Variants in DHRS9 observed in about 807,000 individuals in gnomAD.
The protein encoded by DHRS9 is dehydrogenase/reductase SDR family member 9.
A neutral mutation model predicts 26.6 loss-of-function variants in DHRS9; 18 were observed. The observed-to-expected ratio is 0.68, with a 90% CI of 0.47 to 1.00. DHRS9 has a LOEUF of 1.00. DHRS9 is among the 50% of genes least tolerant of loss of function. The pLI is 0.00. For missense variants in DHRS9, 425 were observed against 378.7 expected, an observed-to-expected ratio of 1.12 and a Z score of -1.01; for synonymous variants, 134 against 141.1, an observed-to-expected ratio of 0.95 and a Z score of 0.36.
At chr2:169,068,327 G>T (rs1057302599), upstream of DHRS9, among the ~76,000 whole-genome samples, 1 of 152,130 alleles carries the variant, frequency 6.6e-6, no homozygotes, top group African/African-American at 2.4e-5. Context: ...TTGTTTGTTT[G>T]TTTGTTTTTG....
At chr2:169,070,767 T>G in intron 1 of DHRS9, 2 of 985,382 alleles carry the variant, frequency 2.0e-6, no homozygotes, top group Non-Finnish European at 2.4e-6. Flanking sequence ...GGGACAGTGT[T>G]TAAAAACGCA....
intron 1 of DHRS9, among the ~76,000 whole-genome samples, chr2:169,079,917 GGGGGAGAGAGAGAGA>G: frequency 4.1e-5 from 2 of 48,692 alleles, no homozygotes; most frequent in African/African-American, 1.6e-4. Context: ...GAGGGAGGGA[GGGGGAGAGAGAGAGA>G]GAGAGAGAGA....
chr2:169,079,090 G>GC (rs1262770915), intron 1 of DHRS9, among the ~76,000 whole-genome samples: 1 of 151,746 alleles, frequency 6.6e-6, no homozygotes, highest in Non-Finnish European at 1.5e-5. Context: ...CTTGTGATCT[G>GC]CCCCCCTCTG....
chr2:169,081,173 T>C, intron 1 of DHRS9: 1 of 1,016,918 alleles, frequency 9.8e-7, no homozygotes, highest in Non-Finnish European at 1.2e-6. Context: ...ACTGTGAGGG[T>C]CTGTCTTCCT....
At position 169,095,618 on chromosome 2, in the gene DHRS9, G is replaced by A. The variant is rs1227417053; in HGVS notation, c.811G>A (p.Ala271Thr). 12 of 1,613,856 alleles carry A rather than the reference G, an allele frequency of 7.4e-6. No individual in the cohort carries two copies. The highest frequency in any genetic ancestry group is 1.3e-5 in the African/African-American group (1 of 74,970). ...TCCGGTGGTAGAGTGCATGGACCAC[G>A]CTCTAACAAGTCTCTTCCCTAAGAC... ...LSPVVECMDH[A>T]LTSLFPKTHY... is the part of the protein sequence containing the mutation. Residue 271 changes from alanine (A) to threonine (T), a missense_variant, in exon 5 of 5, where the codon GCT (alanine) becomes ACT (threonine). Coordinates refer to ENST00000674881, the MANE Select transcript of DHRS9 (RefSeq NM_001376924.1).
intron 1 of DHRS9, among the ~76,000 whole-genome samples, chr2:169,075,152 G>A (rs1008732775): frequency 2.0e-5 from 3 of 152,076 alleles, no homozygotes; most frequent in Non-Finnish European, 4.4e-5. Flanking sequence ...CTTATTTTGT[G>A]CATGACATCC....
Position 169,081,759 on chromosome 2 carries a change from T to C in DHRS9, c.178T>C (p.Cys60Arg), listed in dbSNP as rs1446684487. 6.2e-7 allele frequency: 1 copy of C among 1,614,196 alleles called. No homozygotes were observed. Among genetic ancestry groups the C allele is most frequent in the African/African-American group, 1.3e-5 (1 of 75,054 alleles). Reference sequence around the variant, plus strand: ...AAAGGGATTTCATGTAATCGCTGCCTGTCTGACTGAATCAGGATCAACAGC... The same window carrying C: ...AAAGGGATTTCATGTAATCGCTGCCCGTCTGACTGAATCAGGATCAACAGC... Reference protein sequence around the residue: ...DKKGFHVIAACLTESGSTALK... With the variant: ...DKKGFHVIAARLTESGSTALK... The change falls in exon 2 of 5, where the codon TGT becomes CGT. Residue 60 changes from cysteine (C) to arginine (R), a missense_variant. Transcript: ENST00000674881.
chr2:169,090,427 A>C (rs1684486939), intron 3 of DHRS9, among the ~76,000 whole-genome samples: 1 of 152,250 alleles, frequency 6.6e-6, no homozygotes, highest in African/African-American at 2.4e-5. Flanking sequence ...ATAAAACAAA[A>C]GTAAGTTGGG....
rs774290765 is a variant in DHRS9 at position 169,091,818 on chromosome 2, G to C, written c.601G>C (p.Val201Leu). The C allele has an allele frequency of 1.9e-6, 3 of 1,613,376 alleles. No individual in the cohort carries two copies. Among genetic ancestry groups the C allele is most frequent in the Admixed American group, 1.7e-5 (1 of 59,976 alleles). ...RRDMKAFGVH[V>L]SCIEPGLFKT... Reference sequence around the variant, plus strand: ...GGACATGAAAGCTTTTGGTGTGCACGTCTCATGCATTGAACCAGGATTGTT... The same window carrying C: ...GGACATGAAAGCTTTTGGTGTGCACCTCTCATGCATTGAACCAGGATTGTT... Residue 201 changes from valine to leucine, a missense_variant, in exon 4 of 5, where the codon GTC (valine) becomes CTC (leucine). Physicochemically the swap from Val to Leu is conservative, Grantham distance 32. Transcript: ENST00000674881.
intron 4 of DHRS9, among the ~76,000 whole-genome samples, chr2:169,092,661 C>T (rs1684567638): frequency 6.6e-6 from 1 of 152,086 alleles, no homozygotes; most frequent in Admixed American, 6.6e-5. Context: ...GAAATAATTA[C>T]TTGGGTGGAA....
At chr2:169,078,435 A>G (rs1030376606) in intron 1 of DHRS9, among the ~76,000 whole-genome samples, 1 of 152,236 alleles carries the variant, frequency 6.6e-6, no homozygotes, top group Admixed American at 6.5e-5. Context: ...TTCAGAAAAT[A>G]TATTAAACAT....
chr2:169,081,048 C>A, intron 1 of DHRS9: 1 of 771,096 alleles, frequency 1.3e-6, no homozygotes. Flanking sequence ...CTTCTCCTGA[C>A]AGTTTGAAGA....
At chr2:169,071,073 AAAC>A (rs3083976) in intron 1 of DHRS9, among the ~76,000 whole-genome samples, 16,107 of 151,670 alleles carry the variant, frequency 0.11, 845 homozygotes, top group Middle Eastern at 0.17. Flanking sequence ...CAAAAAAAAA[AAAC>A]AACAACAACA....
intron 1 of DHRS9, among the ~76,000 whole-genome samples, chr2:169,074,625 G>T (rs1301328682): frequency 6.6e-6 from 1 of 152,136 alleles, no homozygotes; most frequent in Non-Finnish European, 1.5e-5. Flanking sequence ...AATCAGCTTT[G>T]TGTATAGGTC....
chr2:169,068,287 C>A (rs777094628), upstream of DHRS9, among the ~76,000 whole-genome samples: 2 of 152,142 alleles, frequency 1.3e-5, no homozygotes, highest in African/African-American at 2.4e-5. Context: ...ATTTGGGGCA[C>A]CCTAAATGTG....
At chr2:169,086,094 C>A (rs73026873) in intron 3 of DHRS9, among the ~76,000 whole-genome samples, 3,468 of 152,158 alleles carry the variant, frequency 0.023, 111 homozygotes, top group East Asian at 0.12. Context: ...CTCTCTCTCT[C>A]CCTCCTCTAT....
intron 1 of DHRS9, 86 bp from the exon 2 acceptor site, chr2:169,081,437 A>T (rs1684177733): frequency 1.4e-6 from 2 of 1,412,024 alleles, no homozygotes; most frequent in Admixed American, 3.0e-5. Context: ...ACACTAATGC[A>T]TTAAAATATC....
intron 4 of DHRS9, among the ~76,000 whole-genome samples, chr2:169,092,165 T>C (rs1684550354): frequency 6.6e-6 from 1 of 152,270 alleles, no homozygotes; most frequent in South Asian, 2.1e-4. Context: ...AGTTATCTGC[T>C]AAGTGTCTTA....
intron 1 of DHRS9, among the ~76,000 whole-genome samples, chr2:169,077,951 C>T (rs1297979009): frequency 3.3e-5 from 5 of 152,132 alleles, no homozygotes; most frequent in Non-Finnish European, 7.3e-5. Context: ...TGCTTTTGGC[C>T]AGTGGACTTT....
Sources: gnomAD v4.1 joint callset for allele counts (sites outside exome capture counted in the v4.1 genomes callset) on GRCh38, gnomAD v4.1.1 for gene constraint, MANE v1.5 for transcripts, NCBI Gene and HGNC (gene_info 2026-07-23, HGNC 2026-07-21) for gene names.